CDH12: variants seen among roughly 807,000 people sequenced by gnomAD.
CDH12 encodes cadherin 12.
CDH12 carries 41 observed loss-of-function variants against 74.1 expected under a neutral mutation model. The ratio of observed to expected loss-of-function variants is 0.55; its 90% CI spans 0.43 to 0.72. The LOEUF (loss-of-function observed/expected upper bound fraction) is 0.72, where lower values mean the gene tolerates loss of function less well. Among genes scored for constraint, CDH12 ranks in the 30% least tolerant of loss-of-function variants. CDH12 has a pLI of 0.00. For synonymous variants in CDH12, 399 were observed against 355.0 expected (o/e 1.12, Z -1.39); for missense variants, 945 against 977.2 (o/e 0.97, Z 0.44).
intron 1 of CDH12, among the ~76,000 whole-genome samples, chr5:22,766,898 T>C (rs552079968): frequency 8.5e-5 from 13 of 152,196 alleles, no homozygotes; most frequent in South Asian, 2.1e-4. Context: ...CATCTGCAGA[T>C]TTTCGTATTG....
intron 8 of CDH12, among the ~76,000 whole-genome samples, chr5:21,840,483 T>C (rs917795830): frequency 1.3e-5 from 2 of 152,016 alleles, no homozygotes; most frequent in African/African-American, 2.4e-5. Flanking sequence ...AATGACTTTC[T>C]TCACAGAATT....
chr5:21,884,003 A>G lies in CDH12; in HGVS notation c.527-29213T>C, dbSNP rs1752499501. 7 of 1,532,580 alleles carry G rather than the reference A, an allele frequency of 4.6e-6. No homozygotes were observed. The Admixed American group carries it at 1.0e-4, about 22-fold the overall frequency. 94.9% of individuals were successfully genotyped at this position (1,532,580 alleles called of 1,614,324 possible). On this transcript the variant is annotated intron_variant, in intron 6 of 14. Transcript: ENST00000382254. ...TTGGTATGGAAATTATTAAAAGAAC[A>G]CTCAAAATTCCAGCAATGACCACTG...
At chr5:22,417,288 AG>A (rs1743438502) in intron 2 of CDH12, among the ~76,000 whole-genome samples, 1 of 152,236 alleles carries the variant, frequency 6.6e-6, no homozygotes, top group Non-Finnish European at 1.5e-5. Context: ...CCAATGCAAC[AG>A]GGTTGAGAGT....
intron 11 of CDH12, among the ~76,000 whole-genome samples, chr5:21,768,263 CAAAT>C (rs922953552): frequency 1.3e-5 from 2 of 151,724 alleles, no homozygotes; most frequent in Non-Finnish European, 3.0e-5. Flanking sequence ...TATCAGATAA[CAAAT>C]AAATAATTCT....
intron 5 of CDH12, among the ~76,000 whole-genome samples, chr5:22,060,301 C>A (rs1290317416): frequency 1.3e-5 from 2 of 150,176 alleles, no homozygotes; most frequent in Non-Finnish European, 3.0e-5. Context: ...GGGAACATCA[C>A]ACACTGGGGC....
At chr5:22,547,183 G>T (rs1017535962) in intron 1 of CDH12, among the ~76,000 whole-genome samples, 1 of 152,162 alleles carries the variant, frequency 6.6e-6, no homozygotes, top group Non-Finnish European at 1.5e-5. Context: ...AAAACTGGAT[G>T]GGGGAGTTAG....
At chr5:21,913,444 G>C (rs527538662) in intron 6 of CDH12, among the ~76,000 whole-genome samples, 1 of 152,186 alleles carries the variant, frequency 6.6e-6, no homozygotes, top group East Asian at 1.9e-4. Context: ...GAAAGAAAAA[G>C]AGAGTTCACA....
At chr5:22,455,413 C>T (rs753032299) in intron 2 of CDH12, among the ~76,000 whole-genome samples, 3 of 152,096 alleles carry the variant, frequency 2.0e-5, no homozygotes, top group Non-Finnish European at 4.4e-5. Context: ...ATCAGCATTA[C>T]CCGGGAAGGA....
chr5:22,475,991 T>C (rs10473594), intron 2 of CDH12, among the ~76,000 whole-genome samples: 28,554 of 151,988 alleles, frequency 0.19, 3,530 homozygotes, highest in Admixed American at 0.4. Flanking sequence ...CTAAATCCTC[T>C]GCTAGTATAT....
At chr5:22,819,661 A>C (rs1749568654) in intron 1 of CDH12, among the ~76,000 whole-genome samples, 1 of 151,864 alleles carries the variant, frequency 6.6e-6, no homozygotes, top group African/African-American at 2.4e-5. Context: ...AAATGACCAT[A>C]AGTGAGCTAG....
At chr5:22,026,733 C>T (rs1223925460) in intron 5 of CDH12, among the ~76,000 whole-genome samples, 1 of 152,134 alleles carries the variant, frequency 6.6e-6, no homozygotes, top group Non-Finnish European at 1.5e-5. Flanking sequence ...GGATGTGCCT[C>T]ATTCTTTTGA....
intron 1 of CDH12, among the ~76,000 whole-genome samples, chr5:22,826,973 G>C (rs772711315): frequency 6.6e-6 from 1 of 152,214 alleles, no homozygotes; most frequent in Non-Finnish European, 1.5e-5. Flanking sequence ...ACGAGGAGCA[G>C]AATGTCAATT....
At chr5:22,562,656 A>T (rs1303974994) in intron 1 of CDH12, among the ~76,000 whole-genome samples, 4 of 151,910 alleles carry the variant, frequency 2.6e-5, no homozygotes, top group Non-Finnish European at 4.4e-5. Flanking sequence ...TTACTTTATC[A>T]ACAGAAGGAA....
chr5:22,247,458 C>A (rs1752987435), intron 3 of CDH12, among the ~76,000 whole-genome samples: 1 of 151,988 alleles, frequency 6.6e-6, no homozygotes, highest in African/African-American at 2.4e-5. Flanking sequence ...GGGTGGATCA[C>A]GAGGTCAGGA....
intron 5 of CDH12, among the ~76,000 whole-genome samples, chr5:21,989,296 T>A (rs1256205115): frequency 6.6e-6 from 1 of 152,248 alleles, no homozygotes; most frequent in East Asian, 1.9e-4. Flanking sequence ...TGCTTCAATG[T>A]ATTAGTAAAT....
intron 5 of CDH12, among the ~76,000 whole-genome samples, chr5:22,053,893 A>C (rs942669906): frequency 4.6e-5 from 7 of 152,144 alleles, no homozygotes; most frequent in African/African-American, 1.7e-4. Context: ...TTAACAGCTA[A>C]GTAATTGTTT....
rs184765764 is a variant in CDH12, at chr5:22,816,522, A to T, written c.-523+36536T>A. On this transcript the variant is annotated intron_variant, in intron 1 of 14. Coordinates refer to ENST00000382254, the MANE Select transcript of CDH12 (RefSeq NM_004061.5). ...CAATTTTTCAGTCTTGACATGAACCATAGAGGAAAGTATCTACTTTTCTTG... is the reference window on the plus strand; with the variant it reads ...CAATTTTTCAGTCTTGACATGAACCTTAGAGGAAAGTATCTACTTTTCTTG... Among the ~76,000 whole-genome samples, 14 of 152,326 alleles carry T rather than the reference A, an allele frequency of 9.2e-5. No homozygotes were observed. The East Asian group carries it at 2.7e-3, about 29-fold the overall frequency.
intron 1 of CDH12, among the ~76,000 whole-genome samples, chr5:22,760,029 T>C (rs951602908): frequency 3.9e-5 from 6 of 152,206 alleles, no homozygotes. Context: ...GTTAATCTCA[T>C]CTGAAAATAC....
At chr5:21,996,075 C>T (rs1215930139) in intron 5 of CDH12, among the ~76,000 whole-genome samples, 5 of 144,808 alleles carry the variant, frequency 3.5e-5, no homozygotes, top group Non-Finnish European at 6.0e-5. Context: ...TTTGAGCAGT[C>T]GGCTCAGGTA....
Sources: gnomAD v4.1 joint callset for allele counts (sites outside exome capture counted in the v4.1 genomes callset) on GRCh38, gnomAD v4.1.1 for gene constraint, MANE v1.5 for transcripts, NCBI Gene and HGNC (gene_info 2026-07-23, HGNC 2026-07-21) for gene names.